The following RASSF8 variants were observed in gnomAD, a reference collection of about 807,000 sequenced individuals.
RASSF8 encodes Ras association domain family member 8.
Under a neutral mutation model 48.5 loss-of-function variants are expected in RASSF8, and 22 were observed. The observed-to-expected ratio is 0.45, with a 90% CI of 0.32 to 0.65. RASSF8 has a LOEUF of 0.65. RASSF8 is among the 30% of genes least tolerant of loss of function. The pLI is 0.03. For missense variants in RASSF8, 418 were observed against 489.2 expected, an observed-to-expected ratio of 0.85 and a Z score of 1.37; for synonymous variants, 127 against 171.5, an observed-to-expected ratio of 0.74 and a Z score of 2.03.
chr12:25,987,507 TAA>T (rs1304985430), intron 1 of RASSF8, among the ~76,000 whole-genome samples: 44 of 152,328 alleles, frequency 2.9e-4, no homozygotes, highest in African/African-American at 9.4e-4. Context: ...AGGTAAAGTA[TAA>T]TCTGTACAAG....
intron 2 of RASSF8, among the ~76,000 whole-genome samples, chr12:26,038,954 G>A (rs1943208512): frequency 6.6e-6 from 1 of 152,026 alleles, no homozygotes. Flanking sequence ...TATTTTTCTA[G>A]AAAATGTTTA....
intron 2 of RASSF8, among the ~76,000 whole-genome samples, chr12:26,012,483 A>T (rs1398286040): frequency 6.6e-6 from 1 of 152,140 alleles, no homozygotes; most frequent in Non-Finnish European, 1.5e-5. Flanking sequence ...GTGTTTCTGA[A>T]AAAGGAGGAA....
At chr12:26,034,759 A>C (rs1375462020) in intron 2 of RASSF8, among the ~76,000 whole-genome samples, 1 of 152,188 alleles carries the variant, frequency 6.6e-6, no homozygotes, top group African/African-American at 2.4e-5. Flanking sequence ...GTGGGATAAG[A>C]TCCAAACACA....
chr12:26,061,812 CT>C (rs1363226480), intron 3 of RASSF8, among the ~76,000 whole-genome samples: 1 of 152,026 alleles, frequency 6.6e-6, no homozygotes, highest in Non-Finnish European at 1.5e-5. Context: ...AAAATCAAAT[CT>C]ATTAATTCAT....
chr12:25,966,432 A>ATTCCTGGCCTCAAGCAGTC (rs2136837620), intron 1 of RASSF8, among the ~76,000 whole-genome samples: 1 of 150,320 alleles, frequency 6.7e-6, no homozygotes, highest in African/African-American at 2.4e-5. Context: ...CTGGTCTTGA[A>ATTCCTGGCCTCAAGCAGTC]CTCCTGGCCT....
At position 26,064,653 on chromosome 12, in the gene RASSF8, C is replaced by A. The variant is rs1410077079; in HGVS notation, c.259C>A (p.Arg87=). ...ACGAACTGGGCCGTCTCTCAGTGAG[C>A]GACCCACTTCAGACAGTGTGGCTCG... ...LRRTGPSLSE[R]PTSDSVARIP... Residue 87 remains arginine (R), a synonymous_variant, in exon 4 of 6, where the codon CGA becomes AGA. Transcript: ENST00000689635. 1 of 1,613,942 alleles carries A rather than the reference C, an allele frequency of 6.2e-7. No individual in the cohort carries two copies. The highest frequency in any genetic ancestry group is 8.5e-7 in the Non-Finnish European group (1 of 1,180,004).
Position 26,069,802 on chromosome 12 carries a change from T to C in RASSF8, c.*984T>C, listed in dbSNP as rs1943962760. 1 of 985,062 alleles carries C rather than the reference T, an allele frequency of 1.0e-6. No homozygotes were observed. The highest frequency in any genetic ancestry group is 6.1e-5 in the Admixed American group (1 of 16,268). 61.0% of individuals were successfully genotyped at this position (985,062 alleles called of 1,614,324 possible). A position where few individuals can be genotyped will look rare whatever the true frequency, so the allele number is the denominator to read the frequency against. On this transcript the variant is annotated 3_prime_UTR_variant, in exon 6 of 6. Transcript: ENST00000689635. ...TGGTGTACACACCATGGGTAAGGTA[T>C]TGCTTGCACATAATTTGCTCTGCAT...
At chr12:26,068,672 G>T (rs1943935586) in intron 5 of RASSF8, 25 bp from the exon 6 acceptor site, 1 of 1,512,174 alleles carries the variant, frequency 6.6e-7, no homozygotes, top group Non-Finnish European at 8.9e-7. Flanking sequence ...AGCTCATCAG[G>T]TGGCTCTCTT....
At chr12:26,027,359 CTGT>C (rs1403585473) in intron 2 of RASSF8, among the ~76,000 whole-genome samples, 1 of 152,196 alleles carries the variant, frequency 6.6e-6, no homozygotes, top group Admixed American at 6.5e-5. Flanking sequence ...CTCAGTAAAG[CTGT>C]TGTTTAAACA....
chr12:26,060,571 A>T (rs1451365667), intron 3 of RASSF8, among the ~76,000 whole-genome samples: 2 of 152,222 alleles, frequency 1.3e-5, no homozygotes, highest in Non-Finnish European at 2.9e-5. Flanking sequence ...ATATAAAAGC[A>T]TCAAAAGCAT....
chr12:26,002,950 C>A (rs1942296506), intron 2 of RASSF8, among the ~76,000 whole-genome samples: 1 of 152,118 alleles, frequency 6.6e-6, no homozygotes, highest in African/African-American at 2.4e-5. Flanking sequence ...ATTGAAGATT[C>A]AAAAACATAT....
chr12:26,004,580 A>G (rs1942340922), intron 2 of RASSF8, among the ~76,000 whole-genome samples: 1 of 152,200 alleles, frequency 6.6e-6, no homozygotes, highest in African/African-American at 2.4e-5. Flanking sequence ...TATATGTATT[A>G]TATACTGTAT....
At chr12:26,013,285 A>G (rs188187966) in intron 2 of RASSF8, among the ~76,000 whole-genome samples, 7 of 152,326 alleles carry the variant, frequency 4.6e-5, no homozygotes, top group African/African-American at 1.4e-4. Flanking sequence ...TTCTCTAGTG[A>G]TAGCCACCTG....
At chr12:25,986,144 A>G (rs1281755847) in intron 1 of RASSF8, among the ~76,000 whole-genome samples, 2 of 152,134 alleles carry the variant, frequency 1.3e-5, no homozygotes, top group Non-Finnish European at 1.5e-5. Flanking sequence ...AGATTTTTAT[A>G]TCCAGTCGAG....
intron 2 of RASSF8, among the ~76,000 whole-genome samples, chr12:26,037,155 C>CGG (rs1943170899): frequency 6.6e-6 from 1 of 152,148 alleles, no homozygotes; most frequent in African/African-American, 2.4e-5. Flanking sequence ...CTTGACAGTG[C>CGG]TGTACCCAGG....
chr12:26,010,830 A>C (rs147362941), intron 2 of RASSF8, among the ~76,000 whole-genome samples: 1 of 152,064 alleles, frequency 6.6e-6, no homozygotes, highest in East Asian at 1.9e-4. Context: ...TGTATACCTA[A>C]GATGCAGGCG....
chr12:26,013,474 C>G (rs1942577910), intron 2 of RASSF8, among the ~76,000 whole-genome samples: 1 of 152,156 alleles, frequency 6.6e-6, no homozygotes, highest in South Asian at 2.1e-4. Context: ...AATCCTGTGT[C>G]CTTCTAGTTT....
chr12:26,072,268 T>C lies in RASSF8; in HGVS notation c.*3450T>C. On this transcript the variant is annotated 3_prime_UTR_variant, in exon 6 of 6. Coordinates refer to ENST00000689635, the MANE Select transcript of RASSF8 (RefSeq NM_001394098.1). ...TTTTTTAAGTTGCATGTTTATACTA[T>C]TTGCTACAGTATTTTTAAGTTTGGG... The C allele has an allele frequency of 1.0e-6, 1 of 979,204 alleles. No individual in the cohort carries two copies. The highest frequency in any genetic ancestry group is 1.2e-6 in the Non-Finnish European group (1 of 824,216). 60.7% of individuals were successfully genotyped at this position (979,204 alleles called of 1,614,324 possible). A position where few individuals can be genotyped will look rare whatever the true frequency, so the allele number is the denominator to read the frequency against.
intron 2 of RASSF8, among the ~76,000 whole-genome samples, chr12:26,002,375 G>A (rs1045966982): frequency 1.3e-5 from 2 of 152,170 alleles, no homozygotes; most frequent in African/African-American, 2.4e-5. Context: ...GGAGGGTGCA[G>A]TGAGCCGAGA....
Sources: allele counts gnomAD v4.1 joint callset (sites outside exome capture counted in the v4.1 genomes callset), GRCh38; gene constraint gnomAD v4.1.1; transcripts MANE v1.5; gene names NCBI Gene and HGNC (gene_info 2026-07-23, HGNC 2026-07-21).